Variants in DOCK4 observed in about 807,000 individuals in gnomAD.
The protein encoded by DOCK4 is dedicator of cytokinesis 4.
A neutral mutation model predicts 268.1 loss-of-function variants in DOCK4; 97 were observed. The observed-to-expected ratio is 0.36, with a 90% CI of 0.31 to 0.43. DOCK4 has a LOEUF of 0.43. DOCK4 is among the 20% of genes least tolerant of loss of function. The probability of loss-of-function intolerance (pLI) is 1.00; values close to 1 mark genes in which losing one functional copy is unlikely to be tolerated. For synonymous variants in DOCK4, 954 were observed against 887.2 expected, an observed-to-expected ratio of 1.08 and a Z score of -1.34; for missense variants, 2,145 against 2,455.7, an observed-to-expected ratio of 0.87 and a Z score of 2.67.
chr7:111,984,871 T>G (rs1249275456), intron 6 of DOCK4, among the ~76,000 whole-genome samples: 2 of 152,162 alleles, frequency 1.3e-5, no homozygotes, highest in Non-Finnish European at 2.9e-5. Flanking sequence ...CTCTGGCAAC[T>G]TGTGCATGGT....
chr7:111,834,530 T>C lies in DOCK4; in HGVS notation c.2835+58A>G, dbSNP rs1028325676. 3 of 1,313,178 alleles carry C rather than the reference T, an allele frequency of 2.3e-6. No individual in the cohort carries two copies. In the Admixed American group the frequency reaches 6.7e-5, roughly 29 times the overall value. 81.3% of individuals were successfully genotyped at this position (1,313,178 alleles called of 1,614,324 possible). A position where few individuals can be genotyped will look rare whatever the true frequency, so the allele number is the denominator to read the frequency against. On this transcript the variant is annotated intron_variant, in intron 26 of 52. Coordinates refer to ENST00000428084, the MANE Select transcript of DOCK4 (RefSeq NM_001363540.2). ...TAGGATTTATCTCAACAGTGATGAA[T>C]AAAAACAAGATAAACCCAAAAGATA...
chr7:111,730,880 C>A (rs1050366953), intron 52 of DOCK4, among the ~76,000 whole-genome samples: 3 of 152,190 alleles, frequency 2.0e-5, no homozygotes, highest in African/African-American at 7.2e-5. Context: ...TATTTTATAG[C>A]TATTCAAACA....
At chr7:112,011,409 CT>C in intron 1 of DOCK4, among the ~76,000 whole-genome samples, 1 of 152,304 alleles carries the variant, frequency 6.6e-6, no homozygotes, top group Admixed American at 6.5e-5. Context: ...TTAAAGTCCT[CT>C]TTCTAAGGGA....
chr7:111,995,997 G>A (rs1487114044), intron 4 of DOCK4, among the ~76,000 whole-genome samples: 1 of 152,170 alleles, frequency 6.6e-6, no homozygotes, highest in Non-Finnish European at 1.5e-5. Context: ...TTTTGAAGCA[G>A]CGTTTGCAAT....
intron 1 of DOCK4, among the ~76,000 whole-genome samples, chr7:112,190,370 A>G (rs1819842039): frequency 6.6e-6 from 1 of 152,210 alleles, no homozygotes; most frequent in South Asian, 2.1e-4. Flanking sequence ...GAACAGAGGT[A>G]GAGCAGTACT....
chr7:112,066,474 A>G (rs1163398053), intron 1 of DOCK4, among the ~76,000 whole-genome samples: 1 of 149,392 alleles, frequency 6.7e-6, no homozygotes, highest in Non-Finnish European at 1.5e-5. Context: ...ATCCCCTCTC[A>G]TATAGCATGC....
chr7:111,987,495 G>T (rs991154624), intron 6 of DOCK4, among the ~76,000 whole-genome samples: 7 of 152,064 alleles, frequency 4.6e-5, no homozygotes, highest in African/African-American at 1.7e-4. Flanking sequence ...AAACAATAAA[G>T]AAATAAATAT....
Position 111,960,319 on chromosome 7 carries a change from G to A in DOCK4, c.702-14521C>T, listed in dbSNP as rs530770522. On this transcript the variant is annotated intron_variant, in intron 8 of 52. Transcript: ENST00000428084. The stretch of plus-strand genomic sequence containing the variant: ...GCAGAGGTTGCAGTGAGCCGAGATC[G>A]CGCCACTGCACTCCAGCCTGGGCAA... Among the ~76,000 whole-genome samples, 29 of 149,356 alleles carry A rather than the reference G, an allele frequency of 1.9e-4. 1 individual carries two copies. The highest frequency in any genetic ancestry group is 3.5e-3 in the Middle Eastern group (1 of 288).
chr7:111,838,379 C>G (rs1803403378), intron 25 of DOCK4, among the ~76,000 whole-genome samples: 1 of 152,024 alleles, frequency 6.6e-6, no homozygotes, highest in South Asian at 2.1e-4. Context: ...AAATGGAACA[C>G]AATAGCCAAA....
intron 1 of DOCK4, among the ~76,000 whole-genome samples, chr7:112,160,001 C>T (rs1216484227): frequency 6.6e-6 from 1 of 151,922 alleles, no homozygotes; most frequent in African/African-American, 2.4e-5. Context: ...CATGACACTC[C>T]AATGAGCATT....
chr7:111,813,214 C>G (rs1309213829), intron 27 of DOCK4, among the ~76,000 whole-genome samples: 1 of 152,048 alleles, frequency 6.6e-6, no homozygotes, highest in Non-Finnish European at 1.5e-5. Flanking sequence ...AGCCTCAGTT[C>G]TCTTCATGGG....
intron 6 of DOCK4, among the ~76,000 whole-genome samples, chr7:111,988,059 T>C (rs1799189957): frequency 6.6e-6 from 1 of 152,228 alleles, no homozygotes; most frequent in African/African-American, 2.4e-5. Flanking sequence ...TAATGGGAAG[T>C]GGCATTCTGC....
At chr7:111,827,951 A>C (rs1257661118) in intron 26 of DOCK4, among the ~76,000 whole-genome samples, 1 of 152,210 alleles carries the variant, frequency 6.6e-6, no homozygotes, top group African/African-American at 2.4e-5. Context: ...TGCTGTACTT[A>C]ACTTCCAGCT....
rs1801156562 is a variant in DOCK4, at chr7:111,811,807, G to A, written c.3006+67C>T. 7 of 931,994 alleles carry A rather than the reference G, an allele frequency of 7.5e-6. No homozygotes were observed. In the South Asian group the frequency reaches 9.0e-5, roughly 12 times the overall value. 57.7% of individuals were successfully genotyped at this position (931,994 alleles called of 1,614,324 possible). On this transcript the variant is annotated intron_variant, in intron 28 of 52. Transcript: ENST00000428084. ...CTAATACGGCCCAAGAAAATGTTAG[G>A]TAATTTCCTATAATACAATGTGATT...
chr7:112,038,780 T>C (rs1804080730), intron 1 of DOCK4, among the ~76,000 whole-genome samples: 1 of 152,230 alleles, frequency 6.6e-6, no homozygotes, highest in African/African-American at 2.4e-5. Flanking sequence ...GGAAAGAACA[T>C]AACCTTTGGA....
intron 1 of DOCK4, among the ~76,000 whole-genome samples, chr7:112,005,021 T>G (rs1404276924): frequency 6.6e-6 from 1 of 151,982 alleles, no homozygotes; most frequent in Admixed American, 6.6e-5. Flanking sequence ...AGGAGGCAAA[T>G]ATGGAGAAAT....
chr7:111,783,851 G>C lies in DOCK4; in HGVS notation c.3524+6C>G. The stretch of plus-strand genomic sequence containing the variant: ...GGAGTTCAGAAAAACATGCGACTTG[G>C]CTTACCTGTAATCTAACAACCTCTC... On this transcript the variant is annotated splice_donor_region_variant and intron_variant, in intron 34 of 52. Transcript: ENST00000428084. 6.3e-7 allele frequency: 1 copy of C among 1,593,838 alleles called. No homozygotes were observed. The highest frequency in any genetic ancestry group is 1.3e-5 in the African/African-American group (1 of 74,654).
intron 1 of DOCK4, among the ~76,000 whole-genome samples, chr7:112,179,185 G>C (rs1039538873): frequency 6.6e-6 from 1 of 152,062 alleles, no homozygotes; most frequent in African/African-American, 2.4e-5. Flanking sequence ...CCAGGAGCTC[G>C]GGACCAGCCT....
rs780012495 is a variant in DOCK4 at position 111,868,036 on chromosome 7, C to T, written c.2228G>A (p.Arg743His). The stretch of plus-strand genomic sequence containing the variant: ...TTTGCTCTCTTGCGAAAGAAAGAAA[C>T]GGACTGACATGAGAAGCTCCTGAAT... ...CCIQELLMSV[R>H]FFLSQESKGS... The change falls in exon 22 of 53, where the codon CGT (arginine) becomes CAT (histidine). Residue 743 changes from arginine (R) to histidine (H), a missense_variant. Transcript: ENST00000428084. 6.8e-6 allele frequency: 11 copies of T among 1,612,412 alleles called. No individual in the cohort carries two copies. Among genetic ancestry groups the T allele is most frequent in the African/African-American group, 2.7e-5 (2 of 74,818 alleles).
Sources: allele counts gnomAD v4.1 joint callset (sites outside exome capture counted in the v4.1 genomes callset), GRCh38; gene constraint gnomAD v4.1.1; transcripts MANE v1.5; gene names NCBI Gene and HGNC (gene_info 2026-07-23, HGNC 2026-07-21).